Variants in CCDC102B observed in about 807,000 individuals in gnomAD.
The protein encoded by CCDC102B is coiled-coil domain-containing protein 102B.
Under a neutral mutation model 57.4 loss-of-function variants are expected in CCDC102B, and 75 were observed. The observed-to-expected ratio is 1.31, with a 90% confidence interval of 1.08 to 1.58. CCDC102B has a LOEUF of 1.58. CCDC102B is among the 40% of genes most tolerant of loss of function. CCDC102B has a pLI of 0.00. For missense variants in CCDC102B, 636 were observed against 582.6 expected (o/e 1.09, Z -0.94); for synonymous variants, 206 against 201.9 (o/e 1.02, Z -0.17).
chr18:68,855,606 A>G, intron 4 of CCDC102B, among the ~76,000 whole-genome samples: 1 of 152,158 alleles, frequency 6.6e-6, no homozygotes, highest in South Asian at 2.1e-4. Flanking sequence ...CTCAGTGTAT[A>G]TGAATAGTCA....
chr18:68,821,724 T>C (rs1451484940), intron 1 of CCDC102B, among the ~76,000 whole-genome samples: 1 of 151,998 alleles, frequency 6.6e-6, no homozygotes, highest in African/African-American at 2.4e-5. Context: ...TATACACATA[T>C]ATGTATTTTT....
chr18:68,793,217 G>A (rs973584437), upstream of CCDC102B, among the ~76,000 whole-genome samples: 1 of 152,134 alleles, frequency 6.6e-6, no homozygotes, highest in Admixed American at 6.5e-5. Context: ...AAAATTTTCA[G>A]TTGCTGACAT....
At chr18:68,776,560 A>G (rs1032633041) in intron 2 of CCDC102B, among the ~76,000 whole-genome samples, 1 of 152,232 alleles carries the variant, frequency 6.6e-6, no homozygotes, top group Non-Finnish European at 1.5e-5. Context: ...AAACTAACTC[A>G]GGAACAAAAA....
At chr18:68,938,997 C>T (rs2049314469) in intron 6 of CCDC102B, among the ~76,000 whole-genome samples, 1 of 151,614 alleles carries the variant, frequency 6.6e-6, no homozygotes, top group Non-Finnish European at 1.5e-5. Context: ...AAATAGATAA[C>T]CAATATTTTA....
chr18:69,013,734 A>G (rs1257826849), intron 7 of CCDC102B, among the ~76,000 whole-genome samples: 2 of 152,340 alleles, frequency 1.3e-5, no homozygotes, highest in East Asian at 3.9e-4. Flanking sequence ...CAAATGCTTA[A>G]AAAAAGTGAA....
intron 6 of CCDC102B, among the ~76,000 whole-genome samples, chr18:69,008,989 G>A (rs2051426843): frequency 6.6e-6 from 1 of 151,982 alleles, no homozygotes; most frequent in Non-Finnish European, 1.5e-5. Context: ...GTAAATACCA[G>A]CAACAACAAA....
chr18:68,832,869 A>C (rs902324224), intron 1 of CCDC102B, among the ~76,000 whole-genome samples: 2 of 152,028 alleles, frequency 1.3e-5, no homozygotes, highest in Admixed American at 6.6e-5. Flanking sequence ...ACATCCAGGT[A>C]GCCGACACAG....
chr18:69,000,192 T>C (rs1418202307), intron 6 of CCDC102B, among the ~76,000 whole-genome samples: 1 of 152,160 alleles, frequency 6.6e-6, no homozygotes, highest in African/African-American at 2.4e-5. Flanking sequence ...ACAACAAATG[T>C]ATGTATAAAA....
upstream of CCDC102B, among the ~76,000 whole-genome samples, chr18:68,796,434 T>C (rs574487971): frequency 6.6e-6 from 1 of 152,190 alleles, no homozygotes; most frequent in South Asian, 2.1e-4. Context: ...TCTGTGTAAT[T>C]TTCTAGTTGA....
At chr18:68,754,159 A>G (rs562186023) in intron 2 of CCDC102B, 1 of 125,672 alleles carries the variant, frequency 8.0e-6, no homozygotes, top group Admixed American at 8.2e-5. Flanking sequence ...GAGGAGGTTT[A>G]CAATCAAAAT....
intron 2 of CCDC102B, among the ~76,000 whole-genome samples, chr18:68,726,857 T>C (rs1441912599): frequency 2.0e-5 from 3 of 152,166 alleles, no homozygotes; most frequent in East Asian, 3.9e-4. Flanking sequence ...GGGGATCTGA[T>C]TGCAGATGGT....
chr18:68,803,693 G>A (rs1179490642), intron 1 of CCDC102B, among the ~76,000 whole-genome samples: 1 of 151,138 alleles, frequency 6.6e-6, no homozygotes, highest in Non-Finnish European at 1.5e-5. Context: ...ATATTAGGGT[G>A]GTGCAAAAGT....
At chr18:68,908,439 A>G (rs894562522) in intron 6 of CCDC102B, 9 of 152,076 alleles carry the variant, frequency 5.9e-5, no homozygotes, top group Non-Finnish European at 1.0e-4. Flanking sequence ...GATTTTTTCA[A>G]TGATTCTGTG....
chr18:68,876,456 T>A (rs1268898932), intron 5 of CCDC102B, among the ~76,000 whole-genome samples: 1 of 152,192 alleles, frequency 6.6e-6, no homozygotes, highest in East Asian at 1.9e-4. Context: ...ACTGACATAG[T>A]TAAATAGCAT....
chr18:68,969,676 GT>G (rs2050253337), intron 6 of CCDC102B, among the ~76,000 whole-genome samples: 1 of 151,122 alleles, frequency 6.6e-6, no homozygotes, highest in South Asian at 2.1e-4. Flanking sequence ...ATTTTGTTGT[GT>G]TTTTTTGTGT....
At chr18:68,995,116 G>A (rs1053987132) in intron 6 of CCDC102B, among the ~76,000 whole-genome samples, 4 of 152,122 alleles carry the variant, frequency 2.6e-5, no homozygotes, top group Admixed American at 2.0e-4. Context: ...TTTAGCAAGG[G>A]GACTGGCAGC....
intron 2 of CCDC102B, among the ~76,000 whole-genome samples, chr18:68,791,676 T>C (rs2035467408): frequency 6.6e-6 from 1 of 151,992 alleles, no homozygotes; most frequent in Non-Finnish European, 1.5e-5. Flanking sequence ...CCTAATGTTT[T>C]AGTAAGCTAA....
chr18:68,884,491 A>C (rs1202088602), intron 5 of CCDC102B, among the ~76,000 whole-genome samples: 2 of 151,808 alleles, frequency 1.3e-5, no homozygotes, highest in Non-Finnish European at 2.9e-5. Context: ...ATAGAGAACA[A>C]AAAAGTGGGT....
chr18:68,783,526 T>A, intron 2 of CCDC102B, among the ~76,000 whole-genome samples: 1 of 152,198 alleles, frequency 6.6e-6, no homozygotes, highest in South Asian at 2.1e-4. Flanking sequence ...TTGATAATCC[T>A]GATGGTTTAT....
Sources: allele counts gnomAD v4.1 joint callset (sites outside exome capture counted in the v4.1 genomes callset), GRCh38; gene constraint gnomAD v4.1.1; transcripts MANE v1.5; gene names NCBI Gene and HGNC (gene_info 2026-07-23, HGNC 2026-07-21).